Variants in SAMD12 observed in about 807,000 individuals in gnomAD.
SAMD12 encodes sterile alpha motif domain-containing protein 12.
In SAMD12, 9 loss-of-function variants were observed where a neutral mutation model predicts 15.0. That is an observed-to-expected ratio of 0.60 (90% confidence interval 0.36 to 1.05). SAMD12 has a LOEUF of 1.05. Among genes scored for constraint, SAMD12 ranks in the 50% least tolerant of loss-of-function variants. The probability of loss-of-function intolerance (pLI) is 0.01; values close to 1 mark genes in which losing one functional copy is unlikely to be tolerated. For missense variants in SAMD12, 230 were observed against 234.2 expected (o/e 0.98, Z 0.12); for synonymous variants, 86 against 90.1 (o/e 0.96, Z 0.25).
At chr8:118,226,074 A>T (rs900587874) in intron 4 of SAMD12, among the ~76,000 whole-genome samples, 1 of 152,200 alleles carries the variant, frequency 6.6e-6, no homozygotes, top group Non-Finnish European at 1.5e-5. Context: ...ACTCTGTGTC[A>T]GGCACTGTCC....
intron 4 of SAMD12, among the ~76,000 whole-genome samples, chr8:118,352,189 A>T (rs1817993705): frequency 6.6e-6 from 1 of 152,202 alleles, no homozygotes; most frequent in Admixed American, 6.5e-5. Flanking sequence ...GTCATCCAAC[A>T]ACTAATAATT....
At chr8:118,256,862 G>A (rs990600477) in intron 4 of SAMD12, among the ~76,000 whole-genome samples, 9 of 151,370 alleles carry the variant, frequency 5.9e-5, no homozygotes, top group Non-Finnish European at 1.2e-4. Context: ...GGTTCATAGA[G>A]TCTTTTAGGA....
intron 4 of SAMD12, among the ~76,000 whole-genome samples, chr8:118,206,298 T>C (rs1819861652): frequency 6.6e-6 from 1 of 152,254 alleles, no homozygotes; most frequent in Non-Finnish European, 1.5e-5. Flanking sequence ...AGTAGTTATT[T>C]GTCCTTCAGA....
At chr8:118,157,911 A>G in the SAMD12 span, among the ~76,000 whole-genome samples, 3 of 152,352 alleles carry the variant, frequency 2.0e-5, no homozygotes, top group South Asian at 2.1e-4. Context: ...TCCTAGAGAG[A>G]TAGGAAACAA....
At chr8:118,450,365 T>A (rs555457058) in intron 2 of SAMD12, among the ~76,000 whole-genome samples, 1 of 152,134 alleles carries the variant, frequency 6.6e-6, no homozygotes, top group South Asian at 2.1e-4. Context: ...AAGAGAAATA[T>A]GGAGGGAGAG....
chr8:118,420,679 G>C (rs1821955412), intron 3 of SAMD12, among the ~76,000 whole-genome samples: 1 of 152,090 alleles, frequency 6.6e-6, no homozygotes, highest in African/African-American at 2.4e-5. Flanking sequence ...AAGAATTAGA[G>C]GGGAATTTTA....
At chr8:118,603,865 TA>T (rs1324987589) in intron 1 of SAMD12, among the ~76,000 whole-genome samples, 1 of 152,136 alleles carries the variant, frequency 6.6e-6, no homozygotes, top group Non-Finnish European at 1.5e-5. Flanking sequence ...GGAAGGAAAT[TA>T]AACAAGGGAA....
At chr8:118,522,199 T>C (rs60687005) in intron 2 of SAMD12, among the ~76,000 whole-genome samples, 23 of 15,802 alleles carry the variant, frequency 1.5e-3, no homozygotes, top group East Asian at 2.9e-3. Flanking sequence ...CACACACACA[T>C]ACACACACAC....
intron 3 of SAMD12, among the ~76,000 whole-genome samples, chr8:118,421,593 C>T (rs1366971510): frequency 6.6e-6 from 1 of 152,216 alleles, no homozygotes. Context: ...TTGTATTTCA[C>T]TTTGTTACTT....
chr8:118,380,002 G>T (rs1819593058), intron 3 of SAMD12, among the ~76,000 whole-genome samples: 1 of 152,072 alleles, frequency 6.6e-6, no homozygotes. Flanking sequence ...CCTTAACCTG[G>T]ATATTTGGGT....
At chr8:118,564,060 G>A (rs1002352700) in intron 2 of SAMD12, among the ~76,000 whole-genome samples, 8 of 152,212 alleles carry the variant, frequency 5.3e-5, no homozygotes, top group African/African-American at 1.9e-4. Flanking sequence ...CATTCAAGGA[G>A]AAGCACTTGT....
Position 118,621,805 on chromosome 8 carries a change from T to C in SAMD12, c.12A>G (p.Glu4=). The C allele has an allele frequency of 6.2e-7, 1 of 1,614,098 alleles. No individual in the cohort carries two copies. The highest frequency in any genetic ancestry group is 8.5e-7 in the Non-Finnish European group (1 of 1,179,980). MAV[E]ALHCGLNPRG... ...AAAAATGCCCCAAGCGTCCCTTACC[T>C]TCCACAGCCATTCTCTCAGAGCTTC... is the stretch of plus-strand genomic sequence containing the variant. The change falls in exon 1 of 4, where the codon GAA becomes GAG. Residue 4 remains glutamate, a splice_region_variant and synonymous_variant. Transcript: ENST00000314727.
chr8:118,166,178 G>C, the SAMD12 span, among the ~76,000 whole-genome samples: 3 of 151,966 alleles, frequency 2.0e-5, no homozygotes, highest in Admixed American at 6.6e-5. Context: ...TCACTTGCTC[G>C]TCCTGGTCAA....
At chr8:118,543,049 G>C (rs1025666100) in intron 2 of SAMD12, among the ~76,000 whole-genome samples, 3 of 152,054 alleles carry the variant, frequency 2.0e-5, no homozygotes, top group African/African-American at 7.2e-5. Context: ...AAAAAGATGA[G>C]AAAAAATAAG....
chr8:118,307,340 C>T lies in SAMD12; in HGVS notation c.433+72220G>A, dbSNP rs181208432. On this transcript the variant is annotated intron_variant, in intron 4 of 4. Coordinates refer to the SAMD12 transcript ENST00000409003. ...GTCTGAAATGAAGATTCATATCCTT[C>T]CACTCATGATTTAGTTGGATGCGGT... 6.0e-4 allele frequency among the ~76,000 whole-genome samples: 92 copies of T among 152,318 alleles called. 1 individual carries two copies. Among genetic ancestry groups the T allele is most frequent in the Non-Finnish European group, 4.1e-4 (28 of 68,030 alleles).
rs1230514642 is a variant in SAMD12, at chr8:118,321,294, T to G, written c.433+58266A>C. On this transcript the variant is annotated intron_variant, in intron 4 of 4. Coordinates refer to the SAMD12 transcript ENST00000409003. ...TAAGGGAAAAGAGGTGTTTTTTTTT[T>G]GTTTTTTTTTTTTTTGGTTTTTTTT... Among the ~76,000 whole-genome samples, 6 of 102,862 alleles carry G rather than the reference T, an allele frequency of 5.8e-5. No individual in the cohort carries two copies. In the South Asian group the frequency reaches 1.4e-3, roughly 24 times the overall value. 67.5% of individuals were successfully genotyped at this position (102,862 alleles called of 152,430 possible).
At chr8:118,190,459 T>C (rs950334994) in exon 5 of SAMD12, 7 of 152,074 alleles carry the variant, frequency 4.6e-5, no homozygotes, top group Admixed American at 3.9e-4. Context: ...TGGAAATAAA[T>C]GGACACCTGG....
chr8:118,607,679 A>C (rs1828017260), intron 1 of SAMD12, among the ~76,000 whole-genome samples: 1 of 152,194 alleles, frequency 6.6e-6, no homozygotes, highest in Admixed American at 6.5e-5. Context: ...CCTACCTGAA[A>C]GGTTGATGTG....
chr8:118,358,486 G>T (rs948825292), intron 4 of SAMD12, among the ~76,000 whole-genome samples: 23 of 152,174 alleles, frequency 1.5e-4, no homozygotes, highest in African/African-American at 5.6e-4. Flanking sequence ...TCAGATGGTA[G>T]TGATACTCAT....
Sources: allele counts gnomAD v4.1 joint callset (sites outside exome capture counted in the v4.1 genomes callset), GRCh38; gene constraint gnomAD v4.1.1; transcripts MANE v1.5; gene names NCBI Gene and HGNC (gene_info 2026-07-23, HGNC 2026-07-21).